Variants in PJVK observed in about 807,000 individuals in gnomAD.
PJVK encodes the protein pejvakin, also known as autosomal recessive deafness type 59 protein.
PJVK carries 33 observed loss-of-function variants against 37.6 expected under a neutral mutation model. The observed-to-expected ratio is 0.88, with a 90% CI of 0.67 to 1.17. PJVK has a LOEUF of 1.17. PJVK is among the 50% of genes most tolerant of loss of function. The pLI, the probability that PJVK is intolerant of heterozygous loss-of-function variation, is 0.00. For synonymous variants in PJVK, 141 were observed against 143.5 expected (o/e 0.98, Z 0.13); for missense variants, 410 against 413.8 (o/e 0.99, Z 0.08).
At position 178,461,606 on chromosome 2, in the gene PJVK, A is replaced by T. The variant is rs546794799; in HGVS notation, c.*332A>T. Among the ~76,000 whole-genome samples the T allele has an allele frequency of 2.2e-4, 17 of 75,606 alleles. No homozygotes were observed. The highest frequency in any genetic ancestry group is 3.3e-4 in the Non-Finnish European group (14 of 42,992). 49.6% of individuals were successfully genotyped at this position (75,606 alleles called of 152,430 possible). ...CACCTTTTTTTTTTTTTTTTTTGAG[A>T]CAGAGCCTTGCTCCGTCACCCAGGC... On this transcript the variant is annotated 3_prime_UTR_variant, in exon 7 of 7. Coordinates refer to ENST00000644580, the MANE Select transcript of PJVK (RefSeq NM_001042702.5).
chr2:178,456,223 C>A (rs1234635437), intron 4 of PJVK, 72 bp downstream of exon 4: 13 of 1,552,472 alleles, frequency 8.4e-6, no homozygotes, highest in African/African-American at 2.7e-5. Context: ...TATTGAATTT[C>A]TAGTCAGGCT....
chr2:178,453,300 A>T (rs917577049), intron 1 of PJVK, 88 bp from the exon 2 acceptor site: 1 of 1,101,782 alleles, frequency 9.1e-7, no homozygotes. Flanking sequence ...TTGTATTTTT[A>T]AGATGTATAA....
Position 178,455,999 on chromosome 2 carries a change from CTTT to C in PJVK, c.408-10_408-8del. 6.2e-7 allele frequency: 1 copy of C among 1,613,232 alleles called. No homozygotes were observed. The highest frequency in any genetic ancestry group is 8.5e-7 in the Non-Finnish European group (1 of 1,179,530). On this transcript the variant is annotated splice_region_variant and splice_polypyrimidine_tract_variant and intron_variant, in intron 3 of 6. Transcript: ENST00000644580. ...TTATAGAGTCTTGTGAATGTATCTT[CTTT>C]ATTTTAGAAAAATTAACTTTGACCA...
Position 178,453,490 on chromosome 2 carries a change from A to G in PJVK, c.81A>G (p.Glu27=). The change falls in exon 2 of 7, where the codon GAA becomes GAG. Residue 27 remains glutamate, a synonymous_variant. Transcript: ENST00000644580. ...TAGTTCCTGTTCCAAGCCTCAGTGA[A>G]GCTGACAAATATCAACCTCTAAGTC... The part of the protein sequence containing the change: ...GRLVPVPSLS[E]ADKYQPLSLV... 1.2e-6 allele frequency: 2 copies of G among 1,614,146 alleles called. No individual in the cohort carries two copies. The highest frequency in any genetic ancestry group is 1.7e-6 in the Non-Finnish European group (2 of 1,180,004).
In PJVK at chr2:178,453,441, A is replaced by G; in HGVS notation, c.32A>G (p.Lys11Arg). Reference sequence around the variant, plus strand: ...GCTGCTGCTACCAAGAGCTTTGTCAAGCAAGTTGGAGATGGAGGGAGATTA... The same window carrying G: ...GCTGCTGCTACCAAGAGCTTTGTCAGGCAAGTTGGAGATGGAGGGAGATTA... MFAAATKSFV[K>R]QVGDGGRLVP... is the part of the protein sequence containing the mutation. The change falls in exon 2 of 7, where the codon AAG becomes AGG. Residue 11 changes from lysine (K) to arginine (R), a missense_variant. Lys to Arg is a conservative substitution (Grantham distance 26, BLOSUM62 2). Transcript: ENST00000644580. 1.2e-6 allele frequency: 2 copies of G among 1,614,188 alleles called. No homozygotes were observed. Among genetic ancestry groups the G allele is most frequent in the Non-Finnish European group, 1.7e-6 (2 of 1,180,002 alleles).
chr2:178,454,707 A>G (rs370082773), intron 3 of PJVK, 180 bp downstream of exon 3: 23 of 1,523,852 alleles, frequency 1.5e-5, no homozygotes, highest in African/African-American at 1.4e-4. Flanking sequence ...ATCAAAAATC[A>G]CTTGGCTGAA....
intron 2 of PJVK, chr2:178,454,110 C>T: frequency 2.3e-6 from 1 of 441,418 alleles, no homozygotes; most frequent in Non-Finnish European, 4.2e-6. Flanking sequence ...TTAAGAAGTT[C>T]TGTTGGCTGA....
chr2:178,453,625 G>A lies in PJVK; in HGVS notation c.211+5G>A. On this transcript the variant is annotated splice_donor_5th_base_variant and intron_variant, in intron 2 of 6. Coordinates refer to ENST00000644580, the MANE Select transcript of PJVK (RefSeq NM_001042702.5). ...GAGACAGAGAAATTTCAGCTGGTAAGTTTAAATGTTTGGGAGTGCCAACTC... is the reference window on the plus strand; with the variant it reads ...GAGACAGAGAAATTTCAGCTGGTAAATTTAAATGTTTGGGAGTGCCAACTC... The A allele has an allele frequency of 6.2e-7, 1 of 1,607,820 alleles. No individual in the cohort carries two copies. The highest frequency in any genetic ancestry group is 1.1e-5 in the South Asian group (1 of 90,268).
In PJVK at chr2:178,461,025, G is replaced by A; in HGVS notation, c.810G>A (p.Leu270=). The change falls in exon 7 of 7, where the codon TTG becomes TTA. Residue 270 remains leucine (L), a synonymous_variant. Coordinates refer to ENST00000644580, the MANE Select transcript of PJVK (RefSeq NM_001042702.5). ...TCATTTCTCGTTCACAGCTTTACTT[G>A]GATGATCTTTTTTCTGACTACTATG... The part of the protein sequence containing the change: ...MDVISRSQLY[L]DDLFSDYYDK... 6.2e-7 allele frequency: 1 copy of A among 1,613,882 alleles called. No homozygotes were observed. Among genetic ancestry groups the A allele is most frequent in the African/African-American group, 1.3e-5 (1 of 74,972 alleles).
intron 3 of PJVK, chr2:178,454,950 C>T (rs79690262): frequency 0.092 from 83,704 of 908,146 alleles, 5,226 homozygotes; most frequent in Non-Finnish European, 0.12. Context: ...GCCTGATTAC[C>T]GCTGGACCAA....
chr2:178,455,394 C>T (rs1230618260), intron 3 of PJVK: 108 of 1,389,894 alleles, frequency 7.8e-5, no homozygotes, highest in Non-Finnish European at 1.0e-4. Context: ...GATCAGCATC[C>T]GGAGATGGAT....
At chr2:178,452,334 G>C in intron 1 of PJVK, 1 of 978,696 alleles carries the variant, frequency 1.0e-6, no homozygotes, top group Non-Finnish European at 1.2e-6. Context: ...TGTTTTGTTA[G>C]CATGTAAGCC....
chr2:178,456,681 C>G (rs1684113181), intron 4 of PJVK, among the ~76,000 whole-genome samples: 1 of 152,126 alleles, frequency 6.6e-6, no homozygotes, highest in African/African-American at 2.4e-5. Flanking sequence ...GCACAAGAAT[C>G]ACTTGAACCT....
chr2:178,453,315 A>G, intron 1 of PJVK, 73 bp from the exon 2 acceptor site: 2 of 1,235,620 alleles, frequency 1.6e-6, no homozygotes, highest in Non-Finnish European at 2.3e-6. Flanking sequence ...GTATAATTAT[A>G]TTTAAAAACA....
Position 178,454,419 on chromosome 2 carries a change from T to C in PJVK, c.299T>C (p.Val100Ala), listed in dbSNP as rs558624038. The C allele has an allele frequency of 1.9e-6, 3 of 1,614,042 alleles. No individual in the cohort carries two copies. The highest frequency in any genetic ancestry group is 2.5e-6 in the Non-Finnish European group (3 of 1,179,976). The change falls in exon 3 of 7, where the codon GTT becomes GCT. Residue 100 changes from valine to alanine, a missense_variant. Transcript: ENST00000644580. ...GRRGNHIVND[V>A]GINVAGSDSI... Reference sequence around the variant, plus strand: ...CGAGGTAACCATATTGTAAATGACGTTGGGATTAACGTTGCTGGATCAGAT... The same window carrying C: ...CGAGGTAACCATATTGTAAATGACGCTGGGATTAACGTTGCTGGATCAGAT...
Position 178,451,423 on chromosome 2 carries a change from T to C in PJVK, c.-369T>C. ...CCCCTAGGCCGCAGTTCTTTGTCCT[T>C]AGCAGGAGGCCGTTTCTTGCCGGGA... On this transcript the variant is annotated 5_prime_UTR_variant, in exon 1 of 7. Coordinates refer to ENST00000644580, the MANE Select transcript of PJVK (RefSeq NM_001042702.5). The C allele has an allele frequency of 4.5e-6, 1 of 224,602 alleles. No individual in the cohort carries two copies. The highest frequency in any genetic ancestry group is 8.9e-6 in the Non-Finnish European group (1 of 112,884). The allele number at this position is 224,602 out of a possible 1,614,324, so 13.9% of individuals were successfully genotyped here.
intron 4 of PJVK, among the ~76,000 whole-genome samples, chr2:178,456,773 AC>A (rs1311120135): frequency 2.0e-5 from 3 of 151,918 alleles, no homozygotes; most frequent in African/African-American, 7.3e-5. Flanking sequence ...TCTCAAAAAA[AC>A]AAAACAAAAC....
rs747862575 is a variant in PJVK at position 178,458,528 on chromosome 2, C to G, written c.568C>G (p.Gln190Glu). 6.2e-7 allele frequency: 1 copy of G among 1,612,884 alleles called. No individual in the cohort carries two copies. The highest frequency in any genetic ancestry group is 8.5e-7 in the Non-Finnish European group (1 of 1,178,992). The change falls in exon 5 of 7, where the codon CAG (glutamine) becomes GAG (glutamate). Residue 190 changes from glutamine to glutamate, a missense_variant. By Grantham distance (29) the Gln-to-Glu change is conservative. Coordinates refer to ENST00000644580, the MANE Select transcript of PJVK (RefSeq NM_001042702.5). ...EAMRFHFMDEQNPKGRDKAIV... is the reference protein window; with the variant it reads ...EAMRFHFMDEENPKGRDKAIV... ...AATATAGTTTCACTTTATGGATGAA[C>G]AGAATCCCAAGGGAAGGGACAAAGC...
chr2:178,461,102 G>T lies in PJVK; in HGVS notation c.887G>T (p.Arg296Leu). 1 of 1,614,074 alleles carries T rather than the reference G, an allele frequency of 6.2e-7. No homozygotes were observed. The highest frequency in any genetic ancestry group is 1.1e-5 in the South Asian group (1 of 91,076). Residue 296 changes from arginine (R) to leucine (L), a missense_variant, in exon 7 of 7, where the codon CGA becomes CTA. Arg to Leu is a moderately radical substitution (Grantham distance 102). Transcript: ENST00000644580. ...DISLKEGTHI[R>L]VNLLNHNIPK... ...TCACTCAAAGAAGGGACCCATATCC[G>T]AGTTAACTTACTTAATCACAACATT...
Sources: gnomAD v4.1 joint callset for allele counts (sites outside exome capture counted in the v4.1 genomes callset) on GRCh38, gnomAD v4.1.1 for gene constraint, MANE v1.5 for transcripts, NCBI Gene and HGNC (gene_info 2026-07-23, HGNC 2026-07-21) for gene names.